The following TPD52 variants were observed in gnomAD, a reference collection of about 807,000 sequenced individuals.
The protein encoded by TPD52 is tumor protein D52, also known as prostate and colon associated protein.
In TPD52, 17 loss-of-function variants were observed where a neutral mutation model predicts 31.3. That is an observed-to-expected ratio of 0.54 (90% CI 0.37 to 0.82). The LOEUF is 0.82. TPD52 is among the 40% of genes least tolerant of loss of function. The probability of loss-of-function intolerance (pLI) is 0.00; values close to 1 mark genes in which losing one functional copy is unlikely to be tolerated. For synonymous variants in TPD52, 83 were observed against 89.6 expected, an observed-to-expected ratio of 0.93 and a Z score of 0.42; for missense variants, 212 against 240.1, an observed-to-expected ratio of 0.88 and a Z score of 0.77.
intron 1 of TPD52, among the ~76,000 whole-genome samples, chr8:80,090,131 C>A (rs1816142681): frequency 6.6e-6 from 1 of 152,130 alleles, no homozygotes; most frequent in Admixed American, 6.5e-5. Context: ...GTGGTTCACA[C>A]CTATAATCCC....
chr8:80,128,617 C>T (rs765049542), intron 1 of TPD52, among the ~76,000 whole-genome samples: 2 of 151,570 alleles, frequency 1.3e-5, no homozygotes, highest in East Asian at 3.9e-4. Flanking sequence ...GCTATTATCA[C>T]GCCACCACAC....
intron 1 of TPD52, among the ~76,000 whole-genome samples, chr8:80,104,575 A>G (rs554004995): frequency 2.0e-5 from 3 of 151,072 alleles, no homozygotes; most frequent in African/African-American, 7.3e-5. Flanking sequence ...AAAAAAAAAA[A>G]AACAACAACA....
At chr8:80,140,407 T>C (rs1420972014) in intron 1 of TPD52, among the ~76,000 whole-genome samples, 1 of 152,228 alleles carries the variant, frequency 6.6e-6, no homozygotes, top group Non-Finnish European at 1.5e-5. Flanking sequence ...CAGCTCCACC[T>C]TGTTAACTAA....
At chr8:80,110,531 GCA>G (rs1807428634) in intron 1 of TPD52, among the ~76,000 whole-genome samples, 1 of 150,312 alleles carries the variant, frequency 6.7e-6, no homozygotes, top group Admixed American at 6.7e-5. Flanking sequence ...TAACTAACCT[GCA>G]CATTGTGCAC....
chr8:80,072,348 T>C (rs917652163), intron 1 of TPD52, among the ~76,000 whole-genome samples: 18 of 150,138 alleles, frequency 1.2e-4, no homozygotes, highest in Non-Finnish European at 2.1e-4. Flanking sequence ...TGTGTGTGTG[T>C]ATGTGTGTAT....
intron 1 of TPD52, among the ~76,000 whole-genome samples, chr8:80,088,055 T>C (rs1159996037): frequency 6.6e-6 from 1 of 152,226 alleles, no homozygotes; most frequent in African/African-American, 2.4e-5. Flanking sequence ...GGACAGTTCC[T>C]GTAAACCTGT....
At position 80,050,390 on chromosome 8, in the gene TPD52, G is replaced by A. The variant is rs1586157319; in HGVS notation, c.413+55C>T. On this transcript the variant is annotated intron_variant, in intron 5 of 7. Coordinates refer to ENST00000518937, the MANE Select transcript of TPD52 (RefSeq NM_001025253.3). ...AACGTAGCATGGTAATCTAATCTCA[G>A]CACACTTTTCTTATACAACTGCTGG... is the stretch of plus-strand genomic sequence containing the variant. The A allele has an allele frequency of 5.2e-6, 8 of 1,541,948 alleles. No individual in the cohort carries two copies. In the East Asian group the frequency reaches 9.2e-5, roughly 18 times the overall value.
intron 1 of TPD52, chr8:80,080,636 C>A (rs1815169424): frequency 2.2e-6 from 3 of 1,341,600 alleles, no homozygotes; most frequent in Admixed American, 6.2e-5. Context: ...TCACGCCCCT[C>A]CTGATAAGCA....
intron 1 of TPD52, among the ~76,000 whole-genome samples, chr8:80,155,696 C>T (rs1810918092): frequency 6.6e-6 from 1 of 151,982 alleles, no homozygotes; most frequent in Admixed American, 6.6e-5. Context: ...TCAGCCTGAC[C>T]AACATGGAGA....
intron 1 of TPD52, among the ~76,000 whole-genome samples, chr8:80,143,540 GC>G (rs200817495): frequency 0.015 from 2,354 of 152,298 alleles, 36 homozygotes; most frequent in South Asian, 0.049. Flanking sequence ...TATATTAATA[GC>G]TTACTGTAGC....
At chr8:80,141,336 G>A (rs1239381396) in intron 1 of TPD52, among the ~76,000 whole-genome samples, 1 of 152,150 alleles carries the variant, frequency 6.6e-6, no homozygotes, top group East Asian at 1.9e-4. Context: ...TGGCACCAGG[G>A]TTGGTCTGTG....
At chr8:80,144,653 C>T (rs139602670) in intron 1 of TPD52, among the ~76,000 whole-genome samples, 4 of 152,306 alleles carry the variant, frequency 2.6e-5, no homozygotes, top group Non-Finnish European at 5.9e-5. Context: ...CTCACAGCCA[C>T]CCATCCCTCC....
chr8:80,081,557 A>T (rs1171458340), intron 1 of TPD52, among the ~76,000 whole-genome samples: 1 of 151,642 alleles, frequency 6.6e-6, no homozygotes, highest in Non-Finnish European at 1.5e-5. Flanking sequence ...AATCTAATCT[A>T]AAAGGCGGTT....
intron 5 of TPD52, among the ~76,000 whole-genome samples, chr8:80,048,642 T>C (rs557960394): frequency 6.6e-6 from 1 of 152,368 alleles, no homozygotes; most frequent in South Asian, 2.1e-4. Context: ...ATCTAAAAGA[T>C]GTAGGTTTTC....
At chr8:80,094,149 T>C (rs1816509285) in intron 1 of TPD52, among the ~76,000 whole-genome samples, 1 of 151,980 alleles carries the variant, frequency 6.6e-6, no homozygotes, top group South Asian at 2.1e-4. Context: ...GTTAAAAGGA[T>C]AAGATAATTA....
intron 1 of TPD52, among the ~76,000 whole-genome samples, chr8:80,166,389 C>T (rs1198009537): frequency 1.3e-5 from 2 of 151,772 alleles, no homozygotes; most frequent in African/African-American, 2.4e-5. Flanking sequence ...TATGCCACCA[C>T]ACCCGGCTAA....
chr8:80,090,845 C>T (rs1586278588), intron 1 of TPD52, among the ~76,000 whole-genome samples: 1 of 152,052 alleles, frequency 6.6e-6, no homozygotes, highest in Admixed American at 6.5e-5. Context: ...TTAAAGAAAT[C>T]GTTTATTTGG....
intron 2 of TPD52, among the ~76,000 whole-genome samples, 179 bp from the exon 3 acceptor site, chr8:80,053,609 G>T (rs1811582755): frequency 6.6e-6 from 1 of 152,052 alleles, no homozygotes; most frequent in Admixed American, 6.6e-5. Flanking sequence ...GATCTCTCCT[G>T]TAGAGTTCTC....
At chr8:80,081,933 A>G (rs1383682910) in intron 1 of TPD52, among the ~76,000 whole-genome samples, 1 of 152,086 alleles carries the variant, frequency 6.6e-6, no homozygotes, top group East Asian at 1.9e-4. Context: ...CCTCCCAAGT[A>G]GCTGGGATTA....
Sources: gnomAD v4.1 joint callset for allele counts (sites outside exome capture counted in the v4.1 genomes callset) on GRCh38, gnomAD v4.1.1 for gene constraint, MANE v1.5 for transcripts, NCBI Gene and HGNC (gene_info 2026-07-23, HGNC 2026-07-21) for gene names.